Variants in TECPR2 observed in about 807,000 individuals in gnomAD.
TECPR2 encodes tectonin beta-propeller repeat containing 2, also known as tectonin beta-propeller repeat-containing protein 2.
Under a neutral mutation model 138.1 loss-of-function variants are expected in TECPR2, and 65 were observed. The observed-to-expected ratio is 0.47, with a 90% CI of 0.39 to 0.58. TECPR2 has a LOEUF of 0.58. Ranked by LOEUF, TECPR2 falls within the 20% of genes least tolerant of loss-of-function variation. The pLI is 0.00. For missense variants in TECPR2, 1,553 were observed against 1,824.5 expected (o/e 0.85, Z 2.71); for synonymous variants, 746 against 749.8 (o/e 0.99, Z 0.08).
intron 2 of TECPR2, among the ~76,000 whole-genome samples, chr14:102,399,311 G>A (rs1888406016): frequency 1.3e-5 from 2 of 152,002 alleles, no homozygotes; most frequent in African/African-American, 4.8e-5. Flanking sequence ...AGAATACAGT[G>A]GGCTGATATA....
intron 1 of TECPR2, 101 bp downstream of exon 1, chr14:102,363,217 C>G: frequency 4.1e-6 from 1 of 245,984 alleles, no homozygotes; most frequent in Non-Finnish European, 7.7e-6. Context: ...CTTCCCTTGC[C>G]TCAGCCCCGC....
chr14:102,495,701 C>T (rs867242656), intron 17 of TECPR2, among the ~76,000 whole-genome samples: 5 of 152,362 alleles, frequency 3.3e-5, no homozygotes, highest in African/African-American at 4.8e-5. Context: ...GCCACCGCCC[C>T]GTCCTCCTTG....
intron 2 of TECPR2, among the ~76,000 whole-genome samples, chr14:102,401,020 G>C (rs1888461405): frequency 6.7e-6 from 1 of 149,826 alleles, no homozygotes; most frequent in South Asian, 2.1e-4. Context: ...GCAACAGAGT[G>C]AGACTCGTCG....
chr14:102,468,800 G>C (rs537395472), intron 17 of TECPR2, among the ~76,000 whole-genome samples: 1 of 152,238 alleles, frequency 6.6e-6, no homozygotes, highest in Non-Finnish European at 1.5e-5. Flanking sequence ...TATGAGATAG[G>C]TGTCCAAATG....
rs376646346 is a variant in TECPR2 at position 102,452,461 on chromosome 14, G to A, written c.3474G>A (p.Ser1158=). Residue 1158 remains serine, a synonymous_variant, in exon 16 of 20, where the codon TCG becomes TCA. Transcript: ENST00000359520. The part of the protein sequence containing the change: ...LCSVSAQSAQ[S]RPSTVQLPPE... ...GCGTCAGCGCCCAGAGCGCACAGTC[G>A]CGGCCCTCCACGGTGCAGCTGCCTC... 18 of 1,613,632 alleles carry A rather than the reference G, an allele frequency of 1.1e-5. No individual in the cohort carries two copies. The highest frequency in any genetic ancestry group is 1.3e-5 in the African/African-American group (1 of 74,954).
At chr14:102,416,245 C>G (rs1309023926) in intron 5 of TECPR2, among the ~76,000 whole-genome samples, 1 of 152,166 alleles carries the variant, frequency 6.6e-6, no homozygotes, top group African/African-American at 2.4e-5. Context: ...CCTCAGCCTC[C>G]TGAGTAGCTG....
In TECPR2 at chr14:102,434,652, A is replaced by G. The variant is rs1417894859; in HGVS notation, c.1835A>G (p.Gln612Arg). ...GCAGATGATGGACCAAATAGCACAC[A>G]GTTACCCTTCCAAGAACAGGACAGC... ...CPADDGPNST[Q>R]LPFQEQDSSP... is the part of the protein sequence containing the mutation. Residue 612 changes from glutamine to arginine, a missense_variant, in exon 9 of 20, where the codon CAG (glutamine) becomes CGG (arginine). By Grantham distance (43) the Gln-to-Arg change is conservative (BLOSUM62 1). Coordinates refer to ENST00000359520, the MANE Select transcript of TECPR2 (RefSeq NM_014844.5). The G allele has an allele frequency of 1.2e-6, 2 of 1,604,712 alleles. No homozygotes were observed. The highest frequency in any genetic ancestry group is 1.7e-6 in the Non-Finnish European group (2 of 1,173,450).
chr14:102,436,605 C>G (rs1391714455), intron 9 of TECPR2, among the ~76,000 whole-genome samples: 1 of 152,260 alleles, frequency 6.6e-6, no homozygotes, highest in African/African-American at 2.4e-5. Context: ...CAGGTGTGAG[C>G]TGCTGTGCCT....
chr14:102,422,806 G>A (rs946587733), intron 5 of TECPR2, among the ~76,000 whole-genome samples: 2 of 152,142 alleles, frequency 1.3e-5, no homozygotes, highest in Non-Finnish European at 2.9e-5. Context: ...GTTCCCAGGT[G>A]TACCTTTCCT....
chr14:102,374,289 C>G (rs1476572128), intron 1 of TECPR2, among the ~76,000 whole-genome samples: 4 of 152,074 alleles, frequency 2.6e-5, no homozygotes. Flanking sequence ...TAGTAATGAA[C>G]TATAGAAATG....
chr14:102,471,250 CCTCT>C (rs1890647502), intron 17 of TECPR2, among the ~76,000 whole-genome samples: 1 of 152,164 alleles, frequency 6.6e-6, no homozygotes, highest in Non-Finnish European at 1.5e-5. Context: ...CTGCACCCTG[CCTCT>C]CTTTCTTCTT....
chr14:102,423,458 T>C (rs554551015), intron 5 of TECPR2, among the ~76,000 whole-genome samples: 1 of 152,008 alleles, frequency 6.6e-6, no homozygotes, highest in Non-Finnish European at 1.5e-5. Context: ...AAAGAGGTTT[T>C]TTTTGTGACT....
chr14:102,488,774 C>G (rs1189959698), intron 17 of TECPR2, among the ~76,000 whole-genome samples: 1 of 146,414 alleles, frequency 6.8e-6, no homozygotes, highest in African/African-American at 2.5e-5. Flanking sequence ...GGCTTGTCTA[C>G]TTTTTTTTTT....
chr14:102,417,753 G>A (rs1347601806), intron 5 of TECPR2, among the ~76,000 whole-genome samples: 1 of 147,796 alleles, frequency 6.8e-6, no homozygotes. Flanking sequence ...GAGCCGTGGG[G>A]AGGCTGCCAT....
chr14:102,431,981 C>T lies in TECPR2; in HGVS notation c.1270C>T (p.Pro424Ser), dbSNP rs770753468. ...CACCGACAGCGGCTCCGGGCTCCTG[C>T]CCCCTGGGCTCCAGGCCACCCCTGA... ...NSTDSGSGLL[P>S]PGLQATPELG... Residue 424 changes from proline (P) to serine (S), a missense_variant, in exon 8 of 20, where the codon CCC becomes TCC. Coordinates refer to ENST00000359520, the MANE Select transcript of TECPR2 (RefSeq NM_014844.5). The T allele has an allele frequency of 3.9e-5, 63 of 1,612,686 alleles. No homozygotes were observed. The highest frequency in any genetic ancestry group is 5.3e-5 in the Non-Finnish European group (62 of 1,179,850).
chr14:102,384,754 T>G (rs1052281500), intron 2 of TECPR2, among the ~76,000 whole-genome samples: 2 of 148,706 alleles, frequency 1.3e-5, no homozygotes, highest in Non-Finnish European at 3.0e-5. Context: ...TATGTGTGTG[T>G]ATATATATAT....
Position 102,500,040 on chromosome 14 carries a change from C to T in TECPR2, c.*1783C>T, listed in dbSNP as rs977747793. On this transcript the variant is annotated 3_prime_UTR_variant, in exon 20 of 20. Transcript: ENST00000359520. ...CACGGATGGCAAAGCTCTCCTCACC[C>T]ATGGGACTGTAGTGCAATTAAACCC... 2 of 152,730 alleles carry T rather than the reference C, an allele frequency of 1.3e-5. No individual in the cohort carries two copies. The highest frequency in any genetic ancestry group is 3.8e-4 in the East Asian group (2 of 5,198). The allele number at this position is 152,730 out of a possible 1,614,324, so 9.5% of individuals were successfully genotyped here.
rs117477739 is a variant in TECPR2 at position 102,377,212 on chromosome 14, G to A, written c.219+272G>A. 0.027 allele frequency among the ~76,000 whole-genome samples: 4,143 copies of A among 152,306 alleles called. 76 individuals carry two copies. The highest frequency in any genetic ancestry group is 0.085 in the Middle Eastern group (25 of 294). On this transcript the variant is annotated intron_variant, in intron 2 of 19. Transcript: ENST00000359520. ...GCTCTGTTGTCCAGCCTAGAGTGCA[G>A]TGGGACAATCATAGCTCATTGTAGC... is the stretch of plus-strand genomic sequence containing the variant.
intron 10 of TECPR2, among the ~76,000 whole-genome samples, chr14:102,439,268 A>G (rs1338651744): frequency 6.6e-6 from 1 of 152,104 alleles, no homozygotes. Flanking sequence ...ATTGGAATAG[A>G]AGTCAGACGA....
Sources: gnomAD v4.1 joint callset for allele counts (sites outside exome capture counted in the v4.1 genomes callset) on GRCh38, gnomAD v4.1.1 for gene constraint, MANE v1.5 for transcripts, NCBI Gene and HGNC (gene_info 2026-07-23, HGNC 2026-07-21) for gene names.